Variants in LRRTM4 observed in about 807,000 individuals in gnomAD.
LRRTM4 encodes the protein leucine-rich repeat transmembrane neuronal protein 4.
In LRRTM4, 25 loss-of-function variants were observed where a neutral mutation model predicts 47.6. That is an observed-to-expected ratio of 0.53 (90% CI 0.38 to 0.73). The LOEUF (loss-of-function observed/expected upper bound fraction) is 0.73, where lower values mean the gene tolerates loss of function less well. Among genes scored for constraint, LRRTM4 ranks in the 30% least tolerant of loss-of-function variants. The probability of loss-of-function intolerance (pLI) is 0.00; values close to 1 mark genes in which losing one functional copy is unlikely to be tolerated. For synonymous variants in LRRTM4, 311 were observed against 269.5 expected (o/e 1.15, Z -1.51); for missense variants, 638 against 713.4 (o/e 0.89, Z 1.20).
chr2:76,811,691 C>T (rs1391669502), intron 3 of LRRTM4, among the ~76,000 whole-genome samples: 3 of 152,122 alleles, frequency 2.0e-5, no homozygotes, highest in Non-Finnish European at 2.9e-5. Flanking sequence ...GTATGTATGA[C>T]TTGTGCACCC....
intron 3 of LRRTM4, among the ~76,000 whole-genome samples, chr2:77,149,532 C>T (rs915380215): frequency 1.3e-5 from 2 of 152,062 alleles, no homozygotes; most frequent in African/African-American, 4.8e-5. Flanking sequence ...ATTGTGGATG[C>T]TAAAACAATA....
chr2:76,957,670 A>T (rs1018001468), intron 3 of LRRTM4, among the ~76,000 whole-genome samples: 8 of 151,754 alleles, frequency 5.3e-5, no homozygotes, highest in African/African-American at 1.9e-4. Context: ...TGGATTTAAT[A>T]GTACCTCAGG....
At chr2:77,082,710 A>G (rs1285988655) in intron 3 of LRRTM4, among the ~76,000 whole-genome samples, 1 of 152,060 alleles carries the variant, frequency 6.6e-6, no homozygotes, top group Non-Finnish European at 1.5e-5. Context: ...GAAATATCCT[A>G]TTTGTTCTGG....
At chr2:77,238,540 G>C (rs1675173410) in intron 3 of LRRTM4, among the ~76,000 whole-genome samples, 1 of 145,866 alleles carries the variant, frequency 6.9e-6, no homozygotes, top group African/African-American at 2.7e-5. Flanking sequence ...AACCACACTA[G>C]CAGGCACAAA....
At chr2:77,224,805 G>A (rs1028877543) in intron 3 of LRRTM4, among the ~76,000 whole-genome samples, 1 of 152,092 alleles carries the variant, frequency 6.6e-6, no homozygotes, top group African/African-American at 2.4e-5. Flanking sequence ...TCAGTGTGGT[G>A]ATTCCTCTCA....
intron 3 of LRRTM4, among the ~76,000 whole-genome samples, chr2:76,916,802 C>T (rs1674268616): frequency 6.6e-6 from 1 of 152,182 alleles, no homozygotes; most frequent in Non-Finnish European, 1.5e-5. Context: ...TCTTTAATAT[C>T]TCACTTGGAA....
chr2:77,441,344 A>G (rs182737012), intron 3 of LRRTM4, among the ~76,000 whole-genome samples: 165 of 152,336 alleles, frequency 1.1e-3, no homozygotes, highest in African/African-American at 3.7e-3. Flanking sequence ...GAACAAATAT[A>G]TTGTTAAAAG....
intron 3 of LRRTM4, among the ~76,000 whole-genome samples, chr2:77,272,757 A>G (rs7608102): frequency 0.015 from 2,245 of 152,226 alleles, 52 homozygotes; most frequent in African/African-American, 0.051. Flanking sequence ...GCTGGTTATT[A>G]AAAAGATCCT....
intron 3 of LRRTM4, among the ~76,000 whole-genome samples, chr2:76,776,442 T>A (rs559862537): frequency 6.6e-6 from 1 of 152,174 alleles, no homozygotes; most frequent in Non-Finnish European, 1.5e-5. Flanking sequence ...TTTTGAAAGA[T>A]TGCCATTCTA....
chr2:77,016,399 A>AAAG (rs1553445389), intron 3 of LRRTM4, among the ~76,000 whole-genome samples: 8 of 151,214 alleles, frequency 5.3e-5, no homozygotes, highest in Admixed American at 5.3e-4. Context: ...AAAAAAAAAA[A>AAAG]AGAGTGAGGA....
intron 3 of LRRTM4, among the ~76,000 whole-genome samples, chr2:76,944,970 C>T (rs528953810): frequency 6.6e-6 from 1 of 152,134 alleles, no homozygotes; most frequent in East Asian, 1.9e-4. Context: ...GAGTCCAGGG[C>T]TGCTATAAGA....
chr2:77,378,869 G>C (rs188914474), intron 3 of LRRTM4, among the ~76,000 whole-genome samples: 1 of 152,098 alleles, frequency 6.6e-6, no homozygotes, highest in Non-Finnish European at 1.5e-5. Context: ...ACAGGTTGAG[G>C]TGACAGTGTT....
At position 77,027,790 on chromosome 2, in the gene LRRTM4, A is replaced by T. The variant is rs374558782; in HGVS notation, c.1552-278874T>A. On this transcript the variant is annotated intron_variant, in intron 3 of 3. Transcript: ENST00000409884. ...TTTGAATTACAATGAGCATTACATT[A>T]ATTATAGCATGTTTGTACAATTTAT... 4.6e-5 allele frequency among the ~76,000 whole-genome samples: 7 copies of T among 152,308 alleles called. No individual in the cohort carries two copies. The South Asian group carries it at 1.2e-3, about 27-fold the overall frequency.
intron 3 of LRRTM4, among the ~76,000 whole-genome samples, chr2:77,385,938 G>T (rs1673251655): frequency 6.6e-6 from 1 of 150,674 alleles, no homozygotes; most frequent in African/African-American, 2.4e-5. Flanking sequence ...TTTATTTTTA[G>T]CAGAGATGGG....
Position 76,906,758 on chromosome 2 carries a change from A to G in LRRTM4, c.1552-157842T>C, listed in dbSNP as rs551183056. On this transcript the variant is annotated intron_variant, in intron 3 of 3. Coordinates refer to ENST00000409884, the MANE Select transcript of LRRTM4 (RefSeq NM_001134745.3). ...ATCAAAAGAGACAAAGAAGGCCATT[A>G]CATAATGGTAAAGGGATCAATTCAA... Among the ~76,000 whole-genome samples the G allele has an allele frequency of 5.9e-3, 890 of 151,668 alleles. 5 individuals are homozygous for G. Among genetic ancestry groups the G allele is most frequent in the Middle Eastern group, 0.034 (10 of 294 alleles).
chr2:76,838,505 T>G (rs1049455403), intron 3 of LRRTM4, among the ~76,000 whole-genome samples: 3 of 152,072 alleles, frequency 2.0e-5, no homozygotes, highest in African/African-American at 7.2e-5. Context: ...AGAAACATAT[T>G]CTGATTTTGT....
At chr2:77,211,151 G>A (rs148972178) in intron 3 of LRRTM4, among the ~76,000 whole-genome samples, 50 of 152,030 alleles carry the variant, frequency 3.3e-4, no homozygotes, top group African/African-American at 1.2e-3. Context: ...AGGGGAGGAG[G>A]GCAATGAAAT....
chr2:77,275,884 TTAAAG>T (rs1249393712), intron 3 of LRRTM4, among the ~76,000 whole-genome samples: 5 of 152,150 alleles, frequency 3.3e-5, no homozygotes, highest in African/African-American at 1.2e-4. Flanking sequence ...GGGAAAAATG[TTAAAG>T]TATTCAATTT....
intron 3 of LRRTM4, among the ~76,000 whole-genome samples, chr2:77,461,138 T>TGAGAGAGAGAGAGAGA (rs72075725): frequency 9.3e-4 from 136 of 145,456 alleles, no homozygotes; most frequent in Non-Finnish European, 1.4e-3. Context: ...ACATACACAG[T>TGAGAGAGAGAGAGAGA]GAGAGAGAGA....
Sources: allele counts gnomAD v4.1 joint callset (sites outside exome capture counted in the v4.1 genomes callset), GRCh38; gene constraint gnomAD v4.1.1; transcripts MANE v1.5; gene names NCBI Gene and HGNC (gene_info 2026-07-23, HGNC 2026-07-21).